The following METTL21A variants were observed in gnomAD, a reference collection of about 807,000 sequenced individuals.
METTL21A encodes methyltransferase 21A, HSPA lysine, also known as protein N-lysine methyltransferase METTL21A.
A neutral mutation model predicts 20.9 loss-of-function variants in METTL21A; 22 were observed. The ratio of observed to expected loss-of-function variants is 1.05; its 90% CI spans 0.75 to 1.50. The LOEUF is 1.50. Ranked by LOEUF, METTL21A falls within the 40% of genes most tolerant of loss-of-function variation. The probability of loss-of-function intolerance (pLI) is 0.00; values close to 1 mark genes in which losing one functional copy is unlikely to be tolerated. For missense variants in METTL21A, 271 were observed against 266.8 expected, an observed-to-expected ratio of 1.02 and a Z score of -0.11; for synonymous variants, 93 against 102.0, an observed-to-expected ratio of 0.91 and a Z score of 0.53.
Position 207,624,422 on chromosome 2 carries a change from C to A in METTL21A, c.-29-18G>T, listed in dbSNP as rs1183748352. 2 of 1,578,522 alleles carry A rather than the reference C, an allele frequency of 1.3e-6. No homozygotes were observed. The highest frequency in any genetic ancestry group is 1.9e-5 in the Admixed American group (1 of 53,226). On this transcript the variant is annotated intron_variant, in intron 1 of 3. Transcript: ENST00000406927. The stretch of plus-strand genomic sequence containing the variant: ...GCTCAGACCTGCCGTGCAAAAGAAT[C>A]CTGGGTGACGCTCTGGCCAAAAGAT...
chr2:207,613,507 G>A, intron 3 of METTL21A, 64 bp from the exon 4 acceptor site: 1 of 1,441,404 alleles, frequency 6.9e-7, no homozygotes, highest in Non-Finnish European at 9.3e-7. Flanking sequence ...GTAGAGAGGG[G>A]GTCAAGTTAA....
chr2:207,625,924 A>C (rs543429405), upstream of METTL21A: 8 of 152,396 alleles, frequency 5.2e-5, no homozygotes, highest in Admixed American at 4.6e-4. Context: ...CAACTAAAGC[A>C]CAGTGGGGGA....
rs929513269 is a variant in METTL21A, at chr2:207,601,405, A to C, written c.260-19245T>G. 1.0e-4 allele frequency: 19 copies of C among 187,618 alleles called. 1 individual carries two copies. 11.6% of individuals were successfully genotyped at this position (187,618 alleles called of 1,614,324 possible). ...TTGATTAAAATATTTTAGCACCTAA[A>C]AGCTAGCCTTAAAAACAGCTGTAAA... On this transcript the variant is annotated intron_variant, in intron 3 of 3. Transcript: ENST00000425132.
chr2:207,621,807 C>T (rs1419178651), exon 3 of METTL21A: 1 of 1,613,806 alleles, frequency 6.2e-7, no homozygotes, highest in Non-Finnish European at 8.5e-7. Context: ...GACACTCACC[C>T]AGCAGGGCAG....
chr2:207,601,727 A>G (rs2087087918), intron 3 of METTL21A: 1 of 214,178 alleles, frequency 4.7e-6, no homozygotes, highest in Non-Finnish European at 9.4e-6. Context: ...CTTTGTTAAC[A>G]TCAAAGAAAT....
intron 3 of METTL21A, chr2:207,596,862 T>C (rs2106636800): frequency 1.3e-6 from 2 of 1,573,122 alleles, no homozygotes; most frequent in South Asian, 1.2e-5. Flanking sequence ...TAATCCAAAA[T>C]AAATATGTGG....
chr2:207,606,577 TC>T (rs1051548477), downstream of METTL21A, among the ~76,000 whole-genome samples: 12 of 152,146 alleles, frequency 7.9e-5, no homozygotes, highest in Admixed American at 6.5e-4. Context: ...GTTTCCAGCT[TC>T]CCAGAGGAGG....
chr2:207,592,002 T>C (rs1249493773), intron 3 of METTL21A, among the ~76,000 whole-genome samples: 4 of 152,222 alleles, frequency 2.6e-5, no homozygotes, highest in African/African-American at 9.6e-5. Flanking sequence ...CCTCAAAAAC[T>C]CTTTTTTACA....
chr2:207,595,098 T>C (rs2709362), intron 3 of METTL21A, among the ~76,000 whole-genome samples: 127,379 of 150,838 alleles, frequency 0.84, 53,963 homozygotes, highest in East Asian at 1. Flanking sequence ...CGGGTTTAAG[T>C]GATTCTCCTG....
intron 3 of METTL21A, among the ~76,000 whole-genome samples, chr2:207,587,210 G>A (rs751697094): frequency 1.3e-5 from 2 of 152,012 alleles, no homozygotes; most frequent in South Asian, 2.1e-4. Flanking sequence ...TGGCTAACAC[G>A]GTGAAACTCC....
intron 3 of METTL21A, 116 bp from the exon 4 acceptor site, chr2:207,613,559 A>G: frequency 2.2e-6 from 2 of 921,002 alleles, no homozygotes; most frequent in Non-Finnish European, 3.2e-6. Flanking sequence ...TATGCATAAT[A>G]TCAATCACAC....
chr2:207,590,460 CTCTGA>C (rs1464008553), intron 3 of METTL21A, among the ~76,000 whole-genome samples: 1 of 151,768 alleles, frequency 6.6e-6, no homozygotes, highest in African/African-American at 2.4e-5. Context: ...TTGATTTGTA[CTCTGA>C]TCTTTGTTAT....
intron 3 of METTL21A, among the ~76,000 whole-genome samples, chr2:207,616,961 G>C (rs1043076750): frequency 6.6e-6 from 1 of 152,252 alleles, no homozygotes; most frequent in African/African-American, 2.4e-5. Flanking sequence ...TTGAAGCAAG[G>C]AAAGGCAGGG....
intron 3 of METTL21A, among the ~76,000 whole-genome samples, chr2:207,620,249 G>A (rs932610162): frequency 6.6e-6 from 1 of 152,096 alleles, no homozygotes; most frequent in Non-Finnish European, 1.5e-5. Context: ...TTCGAGACCA[G>A]CCTGGCCAAC....
At chr2:207,589,627 ACT>A (rs1047362434) in intron 3 of METTL21A, among the ~76,000 whole-genome samples, 2 of 152,116 alleles carry the variant, frequency 1.3e-5, no homozygotes, top group African/African-American at 4.8e-5. Flanking sequence ...TTTTTTAAAA[ACT>A]CTCTTTGATT....
intron 3 of METTL21A, among the ~76,000 whole-genome samples, chr2:207,594,137 A>G (rs1369756868): frequency 6.6e-6 from 1 of 152,196 alleles, no homozygotes; most frequent in Admixed American, 6.5e-5. Context: ...AAAAGAATTT[A>G]CTGGTTTAGA....
At chr2:207,617,155 C>T (rs915369799) in intron 3 of METTL21A, among the ~76,000 whole-genome samples, 6 of 152,134 alleles carry the variant, frequency 3.9e-5, no homozygotes, top group African/African-American at 9.7e-5. Flanking sequence ...CATCAGTTTT[C>T]GTTTTAGTTT....
intron 3 of METTL21A, among the ~76,000 whole-genome samples, chr2:207,588,222 G>T (rs547010794): frequency 7.9e-5 from 12 of 152,256 alleles, no homozygotes; most frequent in African/African-American, 2.9e-4. Flanking sequence ...TTTTGTATAA[G>T]GTGTGAGGAT....
At chr2:207,619,424 T>C (rs931033756) in intron 3 of METTL21A, among the ~76,000 whole-genome samples, 8 of 152,182 alleles carry the variant, frequency 5.3e-5, no homozygotes, top group Non-Finnish European at 1.2e-4. Flanking sequence ...ACTGATTCTA[T>C]TTTGAAGAGA....
Sources: gnomAD v4.1 joint callset for allele counts (sites outside exome capture counted in the v4.1 genomes callset) on GRCh38, gnomAD v4.1.1 for gene constraint, MANE v1.5 for transcripts, NCBI Gene and HGNC (gene_info 2026-07-23, HGNC 2026-07-21) for gene names.